Variants in LRRK2 observed in about 807,000 individuals in gnomAD.
The protein encoded by LRRK2 is leucine-rich repeat serine/threonine-protein kinase 2.
LRRK2 carries 203 observed loss-of-function variants against 302.6 expected under a neutral mutation model. The ratio of observed to expected loss-of-function variants is 0.67; its 90% CI spans 0.60 to 0.75. The LOEUF (loss-of-function observed/expected upper bound fraction) is 0.75, where lower values mean the gene tolerates loss of function less well. Among genes scored for constraint, LRRK2 ranks in the 30% least tolerant of loss-of-function variants. The pLI is 0.00. For missense variants in LRRK2, 2,830 were observed against 2,951.0 expected (o/e 0.96, Z 0.95); for synonymous variants, 1,066 against 1,031.9 (o/e 1.03, Z -0.63).
At chr12:40,323,351 TTCTCC>T in intron 38 of LRRK2, 45 bp downstream of exon 38, 1 of 1,507,040 alleles carries the variant, frequency 6.6e-7, no homozygotes, top group Non-Finnish European at 9.2e-7. Context: ...GGATGTAATT[TTCTCC>T]TTATAATTTA....
At chr12:40,287,980 T>C (rs1470970129) in intron 20 of LRRK2, among the ~76,000 whole-genome samples, 1 of 151,976 alleles carries the variant, frequency 6.6e-6, no homozygotes, top group Non-Finnish European at 1.5e-5. Context: ...ATCTTTACTA[T>C]AGCTTAAAAC....
At chr12:40,362,204 A>C (rs912093069) in intron 47 of LRRK2, among the ~76,000 whole-genome samples, 2 of 152,058 alleles carry the variant, frequency 1.3e-5, no homozygotes, top group Non-Finnish European at 2.9e-5. Flanking sequence ...AGAAGGAATT[A>C]CCTAAAGCGT....
At chr12:40,306,125 T>A (rs1371473926) in intron 28 of LRRK2, among the ~76,000 whole-genome samples, 159 bp downstream of exon 28, 1 of 152,214 alleles carries the variant, frequency 6.6e-6, no homozygotes, top group Non-Finnish European at 1.5e-5. Context: ...TTAATGAATG[T>A]GTTTCTGTGG....
Position 40,284,067 on chromosome 12 carries a change from A to G in LRRK2, c.2434A>G (p.Lys812Glu). 6.2e-7 allele frequency: 1 copy of G among 1,613,574 alleles called. No individual in the cohort carries two copies. The highest frequency in any genetic ancestry group is 8.5e-7 in the Non-Finnish European group (1 of 1,179,590). Residue 812 changes from lysine (K) to glutamate (E), a missense_variant, in exon 19 of 51, where the codon AAA (lysine) becomes GAA (glutamate). Around this residue, in one of 3 missense-constraint regions of LRRK2, gnomAD observed 2,121 missense variants for 2,148.0 expected, o/e 0.99. Transcript: ENST00000298910. ...TTGCCTTGGAGGATTTTGTATAGGA[A>G]AAGTTGAACCTTCTTGGCTTGGTCC... ...SICLGGFCIGKVEPSWLGPLF... is the reference protein window; with the variant it reads ...SICLGGFCIGEVEPSWLGPLF...
At chr12:40,263,966 G>A in intron 14 of LRRK2, 65 bp downstream of exon 14, 1 of 1,257,992 alleles carries the variant, frequency 7.9e-7, no homozygotes, top group Non-Finnish European at 1.1e-6. Context: ...GGAGAACTAG[G>A]GGCGCTTTTT....
At chr12:40,330,780 C>G (rs114831880) in intron 39 of LRRK2, among the ~76,000 whole-genome samples, 1 of 151,984 alleles carries the variant, frequency 6.6e-6, no homozygotes, top group Non-Finnish European at 1.5e-5. Flanking sequence ...AGATGACAAG[C>G]CTTTTGGGTC....
intron 14 of LRRK2, among the ~76,000 whole-genome samples, chr12:40,266,275 G>A (rs1012308886): frequency 6.6e-6 from 1 of 151,960 alleles, no homozygotes; most frequent in Non-Finnish European, 1.5e-5. Context: ...CTAATATCTA[G>A]AATCTACAAT....
At chr12:40,366,541 T>G (rs958611384) in intron 49 of LRRK2, 7 of 163,300 alleles carry the variant, frequency 4.3e-5, no homozygotes, top group African/African-American at 1.7e-4. Context: ...TGATGCAAAT[T>G]TGTTGAATAA....
rs957794216 is a variant in LRRK2 at position 40,293,607 on chromosome 12, C to T, written c.2752C>T (p.Arg918Ter). ...TTCAATTAGTGTAGGAGAATTTTAC[C>T]GAGATGCCGTATTACAGCGTTGCTC... is the stretch of plus-strand genomic sequence containing the variant. ...SNSISVGEFY[R>*]DAVLQRCSPN... Residue 918 changes from arginine (R) to a stop codon, truncating the protein, a stop_gained, in exon 21 of 51, where the codon CGA (arginine) becomes TGA (stop). Transcript: ENST00000298910. LOFTEE classifies it high-confidence loss of function. 1.8e-5 allele frequency: 29 copies of T among 1,611,070 alleles called. No homozygotes were observed. The highest frequency in any genetic ancestry group is 2.3e-5 in the Non-Finnish European group (27 of 1,178,340).
chr12:40,307,480 A>C, intron 28 of LRRK2, among the ~76,000 whole-genome samples: 1 of 152,122 alleles, frequency 6.6e-6, no homozygotes, highest in East Asian at 1.9e-4. Context: ...TTTTACATTA[A>C]GATCATTAGG....
At chr12:40,234,083 T>C (rs1447520338) in intron 3 of LRRK2, among the ~76,000 whole-genome samples, 1 of 152,112 alleles carries the variant, frequency 6.6e-6, no homozygotes, top group Non-Finnish European at 1.5e-5. Flanking sequence ...AAGTCAGGAA[T>C]TGTGGGAATG....
At position 40,363,397 on chromosome 12, in the gene LRRK2, T is replaced by C; in HGVS notation, c.7029-5T>C. On this transcript the variant is annotated splice_polypyrimidine_tract_variant and splice_region_variant and intron_variant, in intron 47 of 50. Transcript: ENST00000298910. ...TGATGACTTTCTATTTTTTTTTCTC[T>C]GTAGGTTTTCTTATGCAGCTTTCAG... is the stretch of plus-strand genomic sequence containing the variant. The C allele has an allele frequency of 4.3e-6, 7 of 1,610,678 alleles. No individual in the cohort carries two copies. Among genetic ancestry groups the C allele is most frequent in the Non-Finnish European group, 5.9e-6 (7 of 1,177,928 alleles).
intron 12 of LRRK2, 25 bp downstream of exon 12, chr12:40,257,402 C>T: frequency 1.2e-6 from 2 of 1,601,782 alleles, no homozygotes; most frequent in South Asian, 2.2e-5. Flanking sequence ...TTAACTTGTA[C>T]AGAATATATC....
At chr12:40,350,487 G>C (rs1334509212) in intron 43 of LRRK2, among the ~76,000 whole-genome samples, 1 of 152,182 alleles carries the variant, frequency 6.6e-6, no homozygotes. Flanking sequence ...ATTTGCCCAA[G>C]TAACCTTGTC....
Position 40,348,432 on chromosome 12 carries a change from G to A in LRRK2, c.6304G>A (p.Ala2102Thr), listed in dbSNP as rs1565770742. Residue 2102 changes from alanine (A) to threonine (T), a missense_variant, in exon 43 of 51, where the codon GCC (alanine) becomes ACC (threonine). By Grantham distance (58) the Ala-to-Thr change is moderately conservative. Around this residue, in one of 3 missense-constraint regions of LRRK2, gnomAD observed 253 missense variants for 346.7 expected, o/e 0.73. Transcript: ENST00000298910. ...AGATCCAGTTAAAGAATATGGTTGT[G>A]CCCCATGGCCTATGGTTGAGAAATT... is the stretch of plus-strand genomic sequence containing the variant. ...LPDPVKEYGC[A>T]PWPMVEKLIK... 1.9e-6 allele frequency: 3 copies of A among 1,611,598 alleles called. No individual in the cohort carries two copies. The highest frequency in any genetic ancestry group is 8.5e-7 in the Non-Finnish European group (1 of 1,178,086).
chr12:40,276,336 C>T (rs1345916297), intron 16 of LRRK2, among the ~76,000 whole-genome samples: 1 of 152,190 alleles, frequency 6.6e-6, no homozygotes, highest in Non-Finnish European at 1.5e-5. Flanking sequence ...CACTCTGTTG[C>T]CCAGGCTGTA....
chr12:40,247,843 C>T (rs1024378910), intron 7 of LRRK2, among the ~76,000 whole-genome samples: 1 of 148,930 alleles, frequency 6.7e-6, no homozygotes, highest in South Asian at 2.1e-4. Flanking sequence ...TTGATACGTA[C>T]AACTATCTTG....
At chr12:40,281,151 T>A (rs899722184) in intron 18 of LRRK2, among the ~76,000 whole-genome samples, 1 of 151,948 alleles carries the variant, frequency 6.6e-6, no homozygotes, top group Non-Finnish European at 1.5e-5. Context: ...AACACTTCTA[T>A]CATGCTCATT....
intron 7 of LRRK2, among the ~76,000 whole-genome samples, chr12:40,247,989 A>C (rs185423753): frequency 4.5e-4 from 69 of 152,064 alleles, no homozygotes; most frequent in Non-Finnish European, 7.2e-4. Context: ...TCATCCCTAA[A>C]CAAAGTATTT....
Sources: gnomAD v4.1 joint callset for allele counts (sites outside exome capture counted in the v4.1 genomes callset) on GRCh38, gnomAD v4.1.1 for gene constraint, gnomAD v4.1.1 regional missense constraint, MANE v1.5 for transcripts, NCBI Gene and HGNC (gene_info 2026-07-23, HGNC 2026-07-21) for gene names.